Variants in MIGA1 observed in about 807,000 individuals in gnomAD.
MIGA1 encodes family with sequence similarity 73, member A.
In MIGA1, 58 loss-of-function variants were observed where a neutral mutation model predicts 82.0. That is an observed-to-expected ratio of 0.71 (90% CI 0.57 to 0.88). The LOEUF is 0.88. MIGA1 is among the 40% of genes least tolerant of loss of function. MIGA1 has a pLI of 0.00. For missense variants in MIGA1, 751 were observed against 749.1 expected, an observed-to-expected ratio of 1.00 and a Z score of -0.03; for synonymous variants, 249 against 253.6, an observed-to-expected ratio of 0.98 and a Z score of 0.17.
rs1458401266 is a variant in MIGA1 at position 77,876,901 on chromosome 1, G to C, written c.*1837G>C. On this transcript the variant is annotated 3_prime_UTR_variant, in exon 16 of 16. Transcript: ENST00000370791. ...TTCTAAATAATATACCACTTATTTG[G>C]AGTGACTAACTCAGTATGTAAGTAG... 5.9e-5 allele frequency: 9 copies of C among 152,126 alleles called. No individual in the cohort carries two copies. Among genetic ancestry groups the C allele is most frequent in the Non-Finnish European group, 1.3e-4 (9 of 68,030 alleles). 9.4% of individuals were successfully genotyped at this position (152,126 alleles called of 1,614,324 possible). A position where few individuals can be genotyped will look rare whatever the true frequency, so the allele number is the denominator to read the frequency against.
At chr1:77,808,310 G>A (rs1251580228) in intron 5 of MIGA1, among the ~76,000 whole-genome samples, 1 of 151,994 alleles carries the variant, frequency 6.6e-6, no homozygotes, top group Non-Finnish European at 1.5e-5. Context: ...CATCTAGAAA[G>A]ATGTAAGATG....
intron 1 of MIGA1, among the ~76,000 whole-genome samples, chr1:77,781,919 A>G (rs1029306785): frequency 1.2e-4 from 19 of 152,146 alleles, no homozygotes; most frequent in Non-Finnish European, 2.5e-4. Flanking sequence ...GGGATAGTCT[A>G]TTGGAGTATA....
At chr1:77,798,819 T>G (rs1010936969) in intron 2 of MIGA1, among the ~76,000 whole-genome samples, 1 of 152,226 alleles carries the variant, frequency 6.6e-6, no homozygotes, top group African/African-American at 2.4e-5. Context: ...TTTTCAAATA[T>G]GATCACATTC....
At chr1:77,791,253 A>C (rs962288358) in intron 2 of MIGA1, among the ~76,000 whole-genome samples, 11 of 150,972 alleles carry the variant, frequency 7.3e-5, no homozygotes, top group South Asian at 6.2e-4. Context: ...TAAAAAAAAA[A>C]AAAAAAAAAA....
chr1:77,874,457 T>C (rs1487229045), intron 15 of MIGA1, among the ~76,000 whole-genome samples: 1 of 152,180 alleles, frequency 6.6e-6, no homozygotes, highest in Admixed American at 6.6e-5. Context: ...GAGGCAATGC[T>C]CAAAGGTCAC....
intron 8 of MIGA1, among the ~76,000 whole-genome samples, chr1:77,857,322 G>GTT (rs58521309): frequency 3.1e-4 from 44 of 144,152 alleles, no homozygotes; most frequent in African/African-American, 1.1e-3. Flanking sequence ...GTGTACTTTG[G>GTT]TTTTTTTTTT....
At chr1:77,795,058 GGTT>G (rs1682595637) in intron 2 of MIGA1, among the ~76,000 whole-genome samples, 1 of 150,882 alleles carries the variant, frequency 6.6e-6, no homozygotes, top group Non-Finnish European at 1.5e-5. Context: ...CCACCTCCCG[GGTT>G]CAAGCAATTC....
chr1:77,807,329 T>G (rs1052365297), intron 5 of MIGA1, among the ~76,000 whole-genome samples: 5 of 152,070 alleles, frequency 3.3e-5, no homozygotes, highest in African/African-American at 1.2e-4. Flanking sequence ...GCCCAGCTAA[T>G]TTTTAAAAAA....
At chr1:77,837,060 T>A (rs1684462224) in intron 7 of MIGA1, among the ~76,000 whole-genome samples, 1 of 152,200 alleles carries the variant, frequency 6.6e-6, no homozygotes, top group South Asian at 2.1e-4. Context: ...AATCTGAGTC[T>A]TCTAAAGAAC....
intron 13 of MIGA1, among the ~76,000 whole-genome samples, chr1:77,864,963 A>G (rs1364237291): frequency 2.0e-5 from 3 of 152,152 alleles, no homozygotes; most frequent in African/African-American, 7.2e-5. Context: ...CAATTTCACA[A>G]TTATTTTGGA....
chr1:77,835,981 C>T (rs1050778005), intron 7 of MIGA1, among the ~76,000 whole-genome samples: 5 of 151,648 alleles, frequency 3.3e-5, no homozygotes, highest in Non-Finnish European at 5.9e-5. Context: ...AAGAAAGAAA[C>T]GTAAGAAATT....
intron 8 of MIGA1, among the ~76,000 whole-genome samples, chr1:77,844,139 GA>G (rs1684746293): frequency 3.3e-5 from 3 of 92,066 alleles, no homozygotes; most frequent in Non-Finnish European, 6.2e-5. Flanking sequence ...TATATATATA[GA>G]TAGATAGATA....
At chr1:77,873,203 G>C in intron 15 of MIGA1, 83 bp downstream of exon 15, 2 of 1,322,240 alleles carry the variant, frequency 1.5e-6, no homozygotes, top group Non-Finnish European at 2.1e-6. Context: ...TTTTGCTTTT[G>C]TAGAAGAACA....
intron 7 of MIGA1, among the ~76,000 whole-genome samples, chr1:77,826,125 G>C (rs1684020607): frequency 6.6e-6 from 1 of 152,152 alleles, no homozygotes; most frequent in African/African-American, 2.4e-5. Flanking sequence ...ATAGATAGGA[G>C]GATGTCACAT....
chr1:77,808,006 G>C (rs918140179), intron 5 of MIGA1, among the ~76,000 whole-genome samples: 1 of 152,036 alleles, frequency 6.6e-6, no homozygotes, highest in Non-Finnish European at 1.5e-5. Context: ...TTTTAGTAGA[G>C]ATGGGGTTTC....
At chr1:77,849,586 C>T (rs1451814356) in intron 8 of MIGA1, among the ~76,000 whole-genome samples, 1 of 152,020 alleles carries the variant, frequency 6.6e-6, no homozygotes, top group Non-Finnish European at 1.5e-5. Flanking sequence ...AAATAGCTTA[C>T]AGCATAGTTG....
chr1:77,854,694 A>G (rs1489831096), intron 8 of MIGA1, among the ~76,000 whole-genome samples: 1 of 152,008 alleles, frequency 6.6e-6, no homozygotes, highest in African/African-American at 2.4e-5. Flanking sequence ...GGCCATTTGT[A>G]TATCTTCTTT....
At chr1:77,786,626 T>G (rs1400410396) in intron 2 of MIGA1, among the ~76,000 whole-genome samples, 1 of 152,222 alleles carries the variant, frequency 6.6e-6, no homozygotes, top group Non-Finnish European at 1.5e-5. Flanking sequence ...AGGGGCAAAA[T>G]GCCACCAGTC....
At chr1:77,790,897 A>C (rs1682389385) in intron 2 of MIGA1, among the ~76,000 whole-genome samples, 1 of 152,064 alleles carries the variant, frequency 6.6e-6, no homozygotes, top group African/African-American at 2.4e-5. Flanking sequence ...CCCTCGCACC[A>C]TTCCTAATCC....
Sources: gnomAD v4.1 joint callset for allele counts (sites outside exome capture counted in the v4.1 genomes callset) on GRCh38, gnomAD v4.1.1 for gene constraint, MANE v1.5 for transcripts, NCBI Gene and HGNC (gene_info 2026-07-23, HGNC 2026-07-21) for gene names.